The following MAD1L1 variants were observed in gnomAD, a reference collection of about 807,000 sequenced individuals.
MAD1L1 encodes the protein mitotic spindle assembly checkpoint protein MAD1.
In MAD1L1, 95 loss-of-function variants were observed where a neutral mutation model predicts 96.9. That is an observed-to-expected ratio of 0.98 (90% CI 0.83 to 1.16). MAD1L1 has a LOEUF of 1.16. MAD1L1 is among the 50% of genes most tolerant of loss of function. The pLI, the probability that MAD1L1 is intolerant of heterozygous loss-of-function variation, is 0.00. For missense variants in MAD1L1, 1,007 were observed against 954.4 expected (o/e 1.06, Z -0.73); for synonymous variants, 473 against 396.6 (o/e 1.19, Z -2.29).
intron 18 of MAD1L1, among the ~76,000 whole-genome samples, chr7:1,856,272 G>A (rs1297444940): frequency 1.3e-5 from 2 of 152,186 alleles, no homozygotes; most frequent in African/African-American, 2.4e-5. Flanking sequence ...TTGGGCGCAG[G>A]GAGAAATGAA....
chr7:2,223,138 C>T (rs962720024), intron 4 of MAD1L1, among the ~76,000 whole-genome samples: 2 of 152,206 alleles, frequency 1.3e-5, no homozygotes, highest in Non-Finnish European at 2.9e-5. Flanking sequence ...TGTCTAATTA[C>T]GCTCTGTCCG....
intron 11 of MAD1L1, among the ~76,000 whole-genome samples, chr7:2,072,269 G>T (rs545713938): frequency 7.2e-5 from 11 of 152,286 alleles, no homozygotes; most frequent in Non-Finnish European, 1.5e-4. Flanking sequence ...GGTGGGTGGG[G>T]AAACACCCCA....
chr7:2,172,393 C>G (rs985516656), intron 10 of MAD1L1, among the ~76,000 whole-genome samples: 2 of 152,190 alleles, frequency 1.3e-5, no homozygotes, highest in Non-Finnish European at 2.9e-5. Context: ...CCCTGCAGGC[C>G]TCGACTCCAC....
chr7:2,111,013 G>A (rs1787349297), intron 11 of MAD1L1, among the ~76,000 whole-genome samples: 2 of 152,192 alleles, frequency 1.3e-5, no homozygotes, highest in African/African-American at 4.8e-5. Flanking sequence ...AGTGAGGGGA[G>A]GAAGAACGGA....
rs554330670 is a variant in MAD1L1 at position 1,867,867 on chromosome 7, G to A, written c.1998+30333C>T. Reference sequence around the variant, plus strand: ...CAACGACTTATTAAAAATAAATGGCGATGCATCGGAGGCAGTCCCTGCCCA... The same window carrying A: ...CAACGACTTATTAAAAATAAATGGCAATGCATCGGAGGCAGTCCCTGCCCA... On this transcript the variant is annotated intron_variant, in intron 18 of 18. Transcript: ENST00000265854. 8.5e-5 allele frequency among the ~76,000 whole-genome samples: 13 copies of A among 152,328 alleles called. No individual in the cohort carries two copies. In the East Asian group the frequency reaches 1.9e-3, roughly 23 times the overall value.
chr7:2,149,182 A>G lies in MAD1L1; in HGVS notation c.1043T>C (p.Leu348Ser). 4 of 1,614,108 alleles carry G rather than the reference A, an allele frequency of 2.5e-6. No homozygotes were observed. The highest frequency in any genetic ancestry group is 3.4e-6 in the Non-Finnish European group (4 of 1,180,014). Residue 348 changes from leucine to serine, a missense_variant, in exon 11 of 19, where the codon TTG becomes TCG. Coordinates refer to ENST00000265854, the MANE Select transcript of MAD1L1 (RefSeq NM_001013836.2). ...GGTGACGGCGCTGTTCTTGTCCTTC[A>G]AGGCAAGCTCCCTCTGCTGCAGCTC... Reference protein sequence around the residue: ...VVELQQRELALKDKNSAVTSS... With the variant: ...VVELQQRELASKDKNSAVTSS...
intron 11 of MAD1L1, among the ~76,000 whole-genome samples, chr7:2,137,776 C>G (rs755060711): frequency 1.3e-5 from 2 of 152,208 alleles, no homozygotes; most frequent in African/African-American, 4.8e-5. Context: ...CAGGAAAGGT[C>G]TCCTGACCAG....
At chr7:1,983,833 G>C (rs1562583675) in intron 14 of MAD1L1, among the ~76,000 whole-genome samples, 1 of 152,148 alleles carries the variant, frequency 6.6e-6, no homozygotes, top group Non-Finnish European at 1.5e-5. Context: ...TTTTTTATTA[G>C]AACTGTGAAT....
intron 17 of MAD1L1, among the ~76,000 whole-genome samples, chr7:1,903,180 G>A (rs56062924): frequency 0.06 from 6,531 of 109,602 alleles, 394 homozygotes; most frequent in African/African-American, 0.17. Context: ...GCAAGCACAC[G>A]GTGGCCTATT....
intron 18 of MAD1L1, among the ~76,000 whole-genome samples, chr7:1,820,761 C>T (rs1782079928): frequency 6.6e-6 from 1 of 151,388 alleles, no homozygotes; most frequent in Non-Finnish European, 1.5e-5. Context: ...GTTAGAAAGA[C>T]CAGCAACGAT....
rs1785018007 is a variant in MAD1L1, at chr7:2,069,288, T to C, written c.1124A>G (p.Gln375Arg). 6.2e-7 allele frequency: 1 copy of C among 1,609,980 alleles called. No individual in the cohort carries two copies. Among genetic ancestry groups the C allele is most frequent in the Non-Finnish European group, 8.5e-7 (1 of 1,179,260 alleles). Residue 375 changes from glutamine to arginine, a missense_variant, in exon 12 of 19, where the codon CAG becomes CGG. Gln to Arg is a conservative substitution (Grantham distance 43). Coordinates refer to ENST00000265854, the MANE Select transcript of MAD1L1 (RefSeq NM_001013836.2). ...ARQQLQEELR[Q>R]VSGQLLEERK... is the part of the protein sequence containing the mutation. ...CTCCTCCAACAGCTGGCCGCTGACC[T>C]GCCGGAGCTCCTCCTGCAGCTGCTG...
Position 1,866,599 on chromosome 7 carries a change from C to T in MAD1L1, c.1998+31601G>A, listed in dbSNP as rs185537969. On this transcript the variant is annotated intron_variant, in intron 18 of 18. Coordinates refer to ENST00000265854, the MANE Select transcript of MAD1L1 (RefSeq NM_001013836.2). ...CTACAGAGAAGCTGCTGGTGTGAGACGCCACGGGAGGCTGCGGACAGGCAG... is the reference window on the plus strand; with the variant it reads ...CTACAGAGAAGCTGCTGGTGTGAGATGCCACGGGAGGCTGCGGACAGGCAG... Among the ~76,000 whole-genome samples the T allele has an allele frequency of 4.3e-4, 65 of 152,276 alleles. 1 individual carries two copies. The East Asian group carries it at 0.012, about 28-fold the overall frequency.
chr7:1,968,676 A>T lies in MAD1L1; in HGVS notation c.1506-10957T>A, dbSNP rs1263936022. ...TTGCGTGGATGTCAGGGGCTCCCTGATGGGACGTGGTGAGAAAGGACTTGT... is the reference window on the plus strand; with the variant it reads ...TTGCGTGGATGTCAGGGGCTCCCTGTTGGGACGTGGTGAGAAAGGACTTGT... On this transcript the variant is annotated intron_variant, in intron 15 of 18. Coordinates refer to ENST00000265854, the MANE Select transcript of MAD1L1 (RefSeq NM_001013836.2). This position sits in a 1 kb window ranked among gnomAD's most constrained non-coding sequence, Gnocchi z 5.6. Among the ~76,000 whole-genome samples, 5 of 152,232 alleles carry T rather than the reference A, an allele frequency of 3.3e-5. No individual in the cohort carries two copies. The highest frequency in any genetic ancestry group is 7.3e-5 in the Non-Finnish European group (5 of 68,032).
chr7:2,135,762 T>C (rs1788719626), intron 11 of MAD1L1, among the ~76,000 whole-genome samples: 1 of 152,208 alleles, frequency 6.6e-6, no homozygotes, highest in South Asian at 2.1e-4. Flanking sequence ...GTGACGTGTG[T>C]GCACATGTCC....
In MAD1L1 at chr7:1,961,581, T is replaced by C. The variant is rs536992120; in HGVS notation, c.1506-3862A>G. ...AATAAATGAAAATCCTGCTCAATCC[T>C]GAACCAAAAGTTACAAAGTTATTAA... On this transcript the variant is annotated intron_variant, in intron 15 of 18. Transcript: ENST00000265854. Among the ~76,000 whole-genome samples, 73 of 152,356 alleles carry C rather than the reference T, an allele frequency of 4.8e-4. No homozygotes were observed. The South Asian group carries it at 0.015, about 32-fold the overall frequency.
chr7:2,073,793 C>T (rs1251963004), intron 11 of MAD1L1, among the ~76,000 whole-genome samples: 3 of 152,200 alleles, frequency 2.0e-5, no homozygotes, highest in Non-Finnish European at 4.4e-5. Flanking sequence ...TCCTTCCTGG[C>T]AGTGAAATCC....
At chr7:2,216,978 G>A (rs909599970) in intron 7 of MAD1L1, among the ~76,000 whole-genome samples, 9 of 152,092 alleles carry the variant, frequency 5.9e-5, no homozygotes, top group Admixed American at 5.2e-4. Context: ...CGCGTACTGG[G>A]AGCTGGCATT....
chr7:1,895,217 A>T (rs1278891511), intron 18 of MAD1L1, among the ~76,000 whole-genome samples: 1 of 152,214 alleles, frequency 6.6e-6, no homozygotes, highest in East Asian at 1.9e-4. Context: ...CGGGGACTTC[A>T]CTGCTCAGAA....
Position 2,041,465 on chromosome 7 carries a change from TTGC to T in MAD1L1, c.1219-26826_1219-26824del, listed in dbSNP as rs1451592676. Among the ~76,000 whole-genome samples the T allele has an allele frequency of 4.6e-5, 7 of 152,294 alleles. No individual in the cohort carries two copies. The East Asian group carries it at 1.4e-3, about 29-fold the overall frequency. Reference sequence around the variant, plus strand: ...ATCACATTCATGCTACCCAACCCTCTTGCTGCTTTCTGTAATTTTTCACTTCCC... The same window carrying T: ...ATCACATTCATGCTACCCAACCCTCTTGCTTTCTGTAATTTTTCACTTCCC... On this transcript the variant is annotated intron_variant, in intron 12 of 18. Coordinates refer to ENST00000265854, the MANE Select transcript of MAD1L1 (RefSeq NM_001013836.2).
Sources: allele counts gnomAD v4.1 joint callset (sites outside exome capture counted in the v4.1 genomes callset), GRCh38; gene constraint gnomAD v4.1.1; non-coding constraint Gnocchi (gnomAD v3.1); transcripts MANE v1.5; gene names NCBI Gene and HGNC (gene_info 2026-07-23, HGNC 2026-07-21).